Variants in RSPH14 observed in about 807,000 individuals in gnomAD.
The protein encoded by RSPH14 is radial spoke head 14 homolog, also known as rhabdoid tumor deletion region gene 1.
RSPH14 carries 20 observed loss-of-function variants against 26.7 expected under a neutral mutation model. The ratio of observed to expected loss-of-function variants is 0.75; its 90% CI spans 0.53 to 1.09. The LOEUF (loss-of-function observed/expected upper bound fraction) is 1.09, where lower values mean the gene tolerates loss of function less well. RSPH14 is among the 50% of genes least tolerant of loss of function. The pLI, the probability that RSPH14 is intolerant of heterozygous loss-of-function variation, is 0.00. For synonymous variants in RSPH14, 177 were observed against 189.3 expected (o/e 0.93, Z 0.53); for missense variants, 449 against 457.2 (o/e 0.98, Z 0.16).
At position 23,071,584 on chromosome 22, in the gene RSPH14, C is replaced by G. The variant is rs1168709839; in HGVS notation, c.422-7451G>C. On this transcript the variant is annotated intron_variant, in intron 4 of 6. Coordinates refer to ENST00000216036, the MANE Select transcript of RSPH14 (RefSeq NM_014433.3). The surrounding 1 kb of genome is among the most constrained non-coding windows in gnomAD (Gnocchi z 4.1). ...AGCAAATATTTATTGAGTGGTCACT[C>G]CCCCAGAGCTTGACGCTGGGGTGCA... Among the ~76,000 whole-genome samples, 2 of 152,150 alleles carry G rather than the reference C, an allele frequency of 1.3e-5. No homozygotes were observed. Among genetic ancestry groups the G allele is most frequent in the East Asian group, 3.9e-4 (2 of 5,178 alleles).
chr22:23,140,827 G>C (rs944345266), intron 1 of RSPH14, among the ~76,000 whole-genome samples: 3 of 152,210 alleles, frequency 2.0e-5, no homozygotes, highest in Admixed American at 1.3e-4. Context: ...GCAATAAGTA[G>C]TATCCAATTC....
chr22:23,152,458 C>T, the RSPH14 span: 1 of 1,614,190 alleles, frequency 6.2e-7, no homozygotes, highest in Non-Finnish European at 8.5e-7. Context: ...ATATTTCTCA[C>T]AGGCTCAAAC....
chr22:23,147,030 CAT>C (rs369109293), upstream of RSPH14, among the ~76,000 whole-genome samples: 485 of 152,302 alleles, frequency 3.2e-3, 4 homozygotes, highest in African/African-American at 0.011. Context: ...TAATTCCTCT[CAT>C]ATTGGGTGCC....
At chr22:23,178,776 C>T in the RSPH14 span, among the ~76,000 whole-genome samples, 3 of 152,198 alleles carry the variant, frequency 2.0e-5, no homozygotes, top group East Asian at 5.8e-4. Flanking sequence ...TTTATGTTTG[C>T]CCCATCTGGG....
At chr22:23,146,662 C>T (rs148744836), upstream of RSPH14, 15 of 1,613,862 alleles carry the variant, frequency 9.3e-6, no homozygotes, top group Admixed American at 1.7e-4. Flanking sequence ...GAGCCGCGAC[C>T]GTGTCATCGC....
intron 4 of RSPH14, among the ~76,000 whole-genome samples, chr22:23,079,209 G>A (rs890000256): frequency 1.3e-5 from 2 of 152,246 alleles, no homozygotes; most frequent in Non-Finnish European, 2.9e-5. Flanking sequence ...CATGCTTGGG[G>A]CAAGGCAGCA....
intron 4 of RSPH14, among the ~76,000 whole-genome samples, chr22:23,103,546 G>C (rs2069366865): frequency 1.3e-5 from 2 of 152,120 alleles, no homozygotes; most frequent in South Asian, 4.1e-4. Flanking sequence ...TGGAGAAAGG[G>C]AATTTGCCAG....
At chr22:23,081,641 G>A (rs971538090) in intron 4 of RSPH14, among the ~76,000 whole-genome samples, 2 of 152,026 alleles carry the variant, frequency 1.3e-5, no homozygotes, top group African/African-American at 4.8e-5. Flanking sequence ...GGCCAACATG[G>A]CAAAACCCTG....
chr22:23,162,743 C>T, the RSPH14 span: 4 of 456,170 alleles, frequency 8.8e-6, 1 homozygote, highest in Non-Finnish European at 1.8e-5. Context: ...ATGGCGAGCA[C>T]CTTGCAGGCA....
intron 4 of RSPH14, chr22:23,122,536 A>C (rs2070060174): frequency 6.5e-6 from 1 of 153,430 alleles, no homozygotes; most frequent in Non-Finnish European, 1.5e-5. Flanking sequence ...ACAGAAGTGA[A>C]GGCTGCTCCC....
intron 4 of RSPH14, chr22:23,131,516 G>A: frequency 1.2e-6 from 1 of 822,490 alleles, no homozygotes; most frequent in East Asian, 6.6e-5. Flanking sequence ...ATTTGGCAAA[G>A]CTGGCTGGTG....
chr22:23,059,475 T>A lies in RSPH14; in HGVS notation c.1034A>T (p.Glu345Val). Residue 345 changes from glutamate (E) to valine (V), a missense_variant, in exon 7 of 7, where the codon GAG becomes GTG. Coordinates refer to ENST00000216036, the MANE Select transcript of RSPH14 (RefSeq NM_014433.3). ...TGAATGAAGGGCTCAGGGTTTGAAC[T>A]CGATGACACTGATGGCGATCCGGGC... ...RAARIAISVI[E>V]FKP is the part of the protein sequence containing the mutation. The A allele has an allele frequency of 6.2e-7, 1 of 1,607,768 alleles. No homozygotes were observed. Among genetic ancestry groups the A allele is most frequent in the East Asian group, 2.2e-5 (1 of 44,688 alleles).
At chr22:23,162,706 C>T in the RSPH14 span, 4 of 456,186 alleles carry the variant, frequency 8.8e-6, no homozygotes, top group African/African-American at 6.0e-5. Flanking sequence ...ACTCATCCCA[C>T]CCGTCTCGTG....
Position 23,064,170 on chromosome 22 carries a change from C to T in RSPH14, c.422-37G>A, listed in dbSNP as rs766336299. Reference sequence around the variant, plus strand: ...GAAAGGGCACTGAGGGCGGGCTGGCCACACACCCACCCACCCATGCCAGTT... The same window carrying T: ...GAAAGGGCACTGAGGGCGGGCTGGCTACACACCCACCCACCCATGCCAGTT... On this transcript the variant is annotated intron_variant, in intron 4 of 6. Transcript: ENST00000216036. 3 of 1,588,456 alleles carry T rather than the reference C, an allele frequency of 1.9e-6. 1 individual carries two copies. Among genetic ancestry groups the T allele is most frequent in the Non-Finnish European group, 2.6e-6 (3 of 1,158,538 alleles).
At chr22:23,072,457 G>A (rs1252974133) in intron 4 of RSPH14, among the ~76,000 whole-genome samples, 2 of 152,192 alleles carry the variant, frequency 1.3e-5, no homozygotes, top group Admixed American at 6.5e-5. Flanking sequence ...AGGTGAATAA[G>A]ACATAATTTC....
chr22:23,102,670 G>A (rs2069339539), intron 4 of RSPH14, among the ~76,000 whole-genome samples: 1 of 152,228 alleles, frequency 6.6e-6, no homozygotes, highest in Admixed American at 6.5e-5. Context: ...TCATGAACCT[G>A]GTGGCTCTGT....
intron 1 of RSPH14, among the ~76,000 whole-genome samples, chr22:23,141,014 C>A (rs576059964): frequency 6.6e-6 from 1 of 152,260 alleles, no homozygotes; most frequent in African/African-American, 2.4e-5. Flanking sequence ...CTGACACATC[C>A]ATGAAAAGGA....
intron 4 of RSPH14, chr22:23,123,658 TG>T: frequency 1.8e-6 from 1 of 561,036 alleles, no homozygotes. Context: ...CATCTGGAGA[TG>T]GCAAAATCCT....
rs760543998 is a variant in RSPH14 at position 23,061,260 on chromosome 22, T to C, written c.790+549A>G. 7.9e-5 allele frequency among the ~76,000 whole-genome samples: 12 copies of C among 152,216 alleles called. No homozygotes were observed. In the Middle Eastern group the frequency reaches 0.01, roughly 129 times the overall value. ...GGGTCCTGGGAGTGCCACGCCCCAG[T>C]CTGCCAGGTGTGGAAACAGCCCAGG... On this transcript the variant is annotated intron_variant, in intron 6 of 6. Transcript: ENST00000216036.
Sources: allele counts gnomAD v4.1 joint callset (sites outside exome capture counted in the v4.1 genomes callset), GRCh38; gene constraint gnomAD v4.1.1; non-coding constraint Gnocchi (gnomAD v3.1); transcripts MANE v1.5; gene names NCBI Gene and HGNC (gene_info 2026-07-23, HGNC 2026-07-21).